LCLAT1: variants seen among roughly 807,000 people sequenced by gnomAD.
LCLAT1 encodes lysocardiolipin acyltransferase 1, also known as 1-AGP acyltransferase 8.
LCLAT1 carries 11 observed loss-of-function variants against 30.7 expected under a neutral mutation model. The ratio of observed to expected loss-of-function variants is 0.36; its 90% CI spans 0.23 to 0.59. LCLAT1 has a LOEUF of 0.59. Among genes scored for constraint, LCLAT1 ranks in the 20% least tolerant of loss-of-function variants. The pLI is 0.77. For missense variants in LCLAT1, 402 were observed against 458.6 expected (o/e 0.88, Z 1.13); for synonymous variants, 155 against 151.3 (o/e 1.02, Z -0.18).
chr2:30,600,348 A>G (rs1667125728), intron 5 of LCLAT1, among the ~76,000 whole-genome samples: 1 of 152,172 alleles, frequency 6.6e-6, no homozygotes, highest in South Asian at 2.1e-4. Flanking sequence ...ATGTACTAGA[A>G]TCTTGAACAC....
At chr2:30,459,548 A>G in intron 1 of LCLAT1, 2 of 1,111,790 alleles carry the variant, frequency 1.8e-6, no homozygotes, top group South Asian at 2.5e-5. Flanking sequence ...TGTCCTGTTC[A>G]CAGGCTGAAA....
chr2:30,517,056 A>G (rs1465519006), intron 1 of LCLAT1, among the ~76,000 whole-genome samples: 1 of 152,170 alleles, frequency 6.6e-6, no homozygotes, highest in East Asian at 1.9e-4. Context: ...TCTACTCCAC[A>G]GTCGCCCATG....
Position 30,503,741 on chromosome 2 carries a change from A to T in LCLAT1, c.-4-21846A>T, listed in dbSNP as rs187899117. 4.3e-3 allele frequency among the ~76,000 whole-genome samples: 662 copies of T among 152,362 alleles called. 2 individuals are homozygous for T. Among genetic ancestry groups the T allele is most frequent in the Non-Finnish European group, 7.7e-3 (525 of 68,038 alleles). ...TTGGAGGAAACAAAACCAAACAGAA[A>T]TCTGAAACCATGGAAAAACTTCCTT... On this transcript the variant is annotated intron_variant, in intron 1 of 5. Coordinates refer to ENST00000379509, the MANE Select transcript of LCLAT1 (RefSeq NM_001002257.3).
intron 2 of LCLAT1, among the ~76,000 whole-genome samples, chr2:30,530,599 G>A (rs571355082): frequency 2.6e-5 from 4 of 152,314 alleles, no homozygotes; most frequent in African/African-American, 7.2e-5. Context: ...CAGCTGGAGT[G>A]TAGTGGTGCA....
At chr2:30,460,007 AAGATTAGGTACCATTTT>A (rs1422317152) in intron 1 of LCLAT1, among the ~76,000 whole-genome samples, 1 of 152,162 alleles carries the variant, frequency 6.6e-6, no homozygotes, top group Non-Finnish European at 1.5e-5. Flanking sequence ...CTTTATTTTA[AAGATTAGGTACCATTTT>A]GTTTAGAGTC....
intron 3 of LCLAT1, among the ~76,000 whole-genome samples, chr2:30,560,283 G>GGTGTGTGTGTGTGTGTGT (rs57326977): frequency 1.4e-5 from 2 of 144,474 alleles, no homozygotes; most frequent in Admixed American, 7.0e-5. Flanking sequence ...AATAAAGTGT[G>GGTGTGTGTGTGTGTGTGT]GTGTGTGTGT....
At chr2:30,509,762 G>A (rs548702754) in intron 1 of LCLAT1, among the ~76,000 whole-genome samples, 2 of 151,928 alleles carry the variant, frequency 1.3e-5, no homozygotes, top group Non-Finnish European at 2.9e-5. Flanking sequence ...GTGGGGTTTT[G>A]CATGTTGGTC....
intron 3 of LCLAT1, among the ~76,000 whole-genome samples, chr2:30,556,919 T>G (rs998671873): frequency 6.6e-6 from 1 of 152,014 alleles, no homozygotes; most frequent in African/African-American, 2.4e-5. Flanking sequence ...TAATTTTGTA[T>G]TTTTAGTAGA....
intron 1 of LCLAT1, among the ~76,000 whole-genome samples, chr2:30,487,752 G>C: frequency 6.6e-6 from 1 of 152,294 alleles, no homozygotes; most frequent in Admixed American, 6.5e-5. Flanking sequence ...GCAGAGTCCT[G>C]TCTGAGAGAG....
At chr2:30,588,302 T>C (rs1666530496) in intron 5 of LCLAT1, among the ~76,000 whole-genome samples, 1 of 152,252 alleles carries the variant, frequency 6.6e-6, no homozygotes, top group Non-Finnish European at 1.5e-5. Context: ...TCTCTAGGAC[T>C]CAGACCATAT....
At chr2:30,561,738 C>T (rs1665234429) in intron 3 of LCLAT1, among the ~76,000 whole-genome samples, 1 of 152,180 alleles carries the variant, frequency 6.6e-6, no homozygotes, top group East Asian at 1.9e-4. Flanking sequence ...TACTTGACGA[C>T]AGTCTTTTGC....
intron 5 of LCLAT1, among the ~76,000 whole-genome samples, chr2:30,590,603 G>A (rs1423546299): frequency 6.6e-6 from 1 of 150,698 alleles, no homozygotes; most frequent in Non-Finnish European, 1.5e-5. Context: ...CGGAAATGAA[G>A]AAGCAAATTA....
chr2:30,514,748 G>A (rs548478320), intron 1 of LCLAT1, among the ~76,000 whole-genome samples: 8 of 152,252 alleles, frequency 5.3e-5, no homozygotes, highest in South Asian at 2.1e-4. Flanking sequence ...TGATACCAGC[G>A]TCTGTCAGTC....
intron 5 of LCLAT1, among the ~76,000 whole-genome samples, chr2:30,579,149 A>G (rs191697439): frequency 6.6e-6 from 1 of 152,252 alleles, no homozygotes; most frequent in African/African-American, 2.4e-5. Context: ...GAAGGCTTAT[A>G]TTTTAAAACT....
At chr2:30,620,003 AAATTTTAAAAT>A (rs1283626449) in intron 5 of LCLAT1, among the ~76,000 whole-genome samples, 1 of 152,198 alleles carries the variant, frequency 6.6e-6, no homozygotes, top group African/African-American at 2.4e-5. Flanking sequence ...TGCCTTAAAT[AAATTTTAAAAT>A]AATTTTAATA....
intron 1 of LCLAT1, among the ~76,000 whole-genome samples, chr2:30,508,132 ATGG>A (rs1467059002): frequency 6.6e-6 from 1 of 151,874 alleles, no homozygotes; most frequent in Non-Finnish European, 1.5e-5. Flanking sequence ...GCACTTTTTA[ATGG>A]GTTTTTCTCT....
intron 3 of LCLAT1, chr2:30,552,636 A>T: frequency 2.9e-6 from 1 of 341,736 alleles, no homozygotes; most frequent in Non-Finnish European, 6.1e-6. Context: ...GGAGAGCATT[A>T]CCCAGTTTGT....
At chr2:30,586,241 C>CAAAAA (rs148993331) in intron 5 of LCLAT1, among the ~76,000 whole-genome samples, 1 of 77,764 alleles carries the variant, frequency 1.3e-5, no homozygotes. Flanking sequence ...GACTCCGTCT[C>CAAAAA]AAAAAAAAAA....
chr2:30,591,144 A>G (rs1666677852), intron 5 of LCLAT1, among the ~76,000 whole-genome samples: 1 of 152,162 alleles, frequency 6.6e-6, no homozygotes, highest in Non-Finnish European at 1.5e-5. Context: ...TTAGGGCATT[A>G]GAAAATCAGT....
Sources: gnomAD v4.1 joint callset for allele counts (sites outside exome capture counted in the v4.1 genomes callset) on GRCh38, gnomAD v4.1.1 for gene constraint, MANE v1.5 for transcripts, NCBI Gene and HGNC (gene_info 2026-07-23, HGNC 2026-07-21) for gene names.